DPF3: variants seen among roughly 807,000 people sequenced by gnomAD.
The protein encoded by DPF3 is zinc finger protein DPF3.
DPF3 carries 18 observed loss-of-function variants against 56.8 expected under a neutral mutation model. The observed-to-expected ratio is 0.32, with a 90% CI of 0.22 to 0.47. The LOEUF is 0.47. Among genes scored for constraint, DPF3 ranks in the 20% least tolerant of loss-of-function variants. DPF3 has a pLI of 1.00. For missense variants in DPF3, 403 were observed against 488.8 expected (o/e 0.82, Z 1.65); for synonymous variants, 188 against 180.2 (o/e 1.04, Z -0.35).
At chr14:72,752,116 C>A (rs10139903) in intron 3 of DPF3, among the ~76,000 whole-genome samples, 51,584 of 152,052 alleles carry the variant, frequency 0.34, 9,960 homozygotes, top group Admixed American at 0.45. Flanking sequence ...ACCAGTGTTG[C>A]AAGGAAGGAG....
At chr14:72,649,312 G>A (rs1413789042) in intron 8 of DPF3, among the ~76,000 whole-genome samples, 3 of 152,078 alleles carry the variant, frequency 2.0e-5, no homozygotes, top group Non-Finnish European at 4.4e-5. Context: ...GGGGGCTGTG[G>A]AGTCTTTATG....
intron 9 of DPF3, among the ~76,000 whole-genome samples, chr14:72,620,590 G>A (rs1300007023): frequency 6.6e-6 from 1 of 152,190 alleles, no homozygotes; most frequent in Non-Finnish European, 1.5e-5. Flanking sequence ...AAGGACACAG[G>A]CCATATCTTT....
chr14:72,880,820 A>G (rs1314252180), intron 1 of DPF3, among the ~76,000 whole-genome samples: 1 of 152,174 alleles, frequency 6.6e-6, no homozygotes, highest in African/African-American at 2.4e-5. Context: ...TGGGATTACA[A>G]GTATGAGCCA....
rs1251943626 is a variant in DPF3 at position 72,845,607 on chromosome 14, ACC to A, written c.32+48448_32+48449del. 2.0e-5 allele frequency among the ~76,000 whole-genome samples: 3 copies of A among 152,120 alleles called. No individual in the cohort carries two copies. In the East Asian group the frequency reaches 5.8e-4, roughly 29 times the overall value. On this transcript the variant is annotated intron_variant, in intron 1 of 10. Coordinates refer to ENST00000556509, the MANE Select transcript of DPF3 (RefSeq NM_001280542.3). ...ATCATGGTGCCCATTGCAACATGGC[ACC>A]CAATGCCACTTTCCAGAGTAGTGTG...
At chr14:72,661,214 T>C (rs1886197824) in intron 8 of DPF3, 4 of 985,258 alleles carry the variant, frequency 4.1e-6, no homozygotes, top group Non-Finnish European at 4.8e-6. Context: ...GGACATTTTC[T>C]ACCAGAAAAC....
chr14:72,848,012 T>C (rs1884828180), intron 1 of DPF3, among the ~76,000 whole-genome samples: 1 of 152,222 alleles, frequency 6.6e-6, no homozygotes, highest in Non-Finnish European at 1.5e-5. Flanking sequence ...TCTCACATCC[T>C]GAAATACAGA....
At chr14:72,849,938 T>G (rs1208810191) in intron 1 of DPF3, among the ~76,000 whole-genome samples, 1 of 152,054 alleles carries the variant, frequency 6.6e-6, no homozygotes, top group Non-Finnish European at 1.5e-5. Context: ...ACCAACATGG[T>G]GAAACCACAT....
At chr14:72,738,814 C>T (rs1222663071) in intron 3 of DPF3, among the ~76,000 whole-genome samples, 1 of 152,132 alleles carries the variant, frequency 6.6e-6, no homozygotes, top group African/African-American at 2.4e-5. Context: ...GTGATAGATA[C>T]ATTAACTAGC....
chr14:72,759,341 A>T (rs1418280171), intron 2 of DPF3, among the ~76,000 whole-genome samples: 3 of 152,208 alleles, frequency 2.0e-5, no homozygotes, highest in Non-Finnish European at 2.9e-5. Flanking sequence ...ATATATGTGT[A>T]ATTGAAGAAA....
At chr14:72,646,095 G>A (rs1885715785) in intron 8 of DPF3, among the ~76,000 whole-genome samples, 1 of 152,092 alleles carries the variant, frequency 6.6e-6, no homozygotes, top group Admixed American at 6.6e-5. Flanking sequence ...CACCCACTCA[G>A]TCTTCACTCT....
chr14:72,832,029 G>A (rs1186888292), intron 1 of DPF3, among the ~76,000 whole-genome samples: 1 of 151,990 alleles, frequency 6.6e-6, no homozygotes. Flanking sequence ...ACCAGCCTGG[G>A]CAACATAACA....
At chr14:72,620,956 C>T (rs1884398135) in intron 9 of DPF3, among the ~76,000 whole-genome samples, 2 of 152,166 alleles carry the variant, frequency 1.3e-5, no homozygotes, top group African/African-American at 2.4e-5. Flanking sequence ...GCTTGGCCAA[C>T]ATGGTGAAAC....
intron 7 of DPF3, chr14:72,679,436 C>T: frequency 6.5e-6 from 1 of 152,914 alleles, no homozygotes; most frequent in Non-Finnish European, 1.5e-5. Flanking sequence ...ACGCTCGGTG[C>T]CCACCACCCA....
intron 1 of DPF3, chr14:72,892,783 CG>C: frequency 1.2e-6 from 1 of 822,230 alleles, no homozygotes; most frequent in Non-Finnish European, 1.5e-6. Context: ...AAGTCCCGGT[CG>C]AAGGGGTGAG....
rs147319485 is a variant in DPF3, at chr14:72,773,414, G to A, written c.33-1521C>T. On this transcript the variant is annotated intron_variant, in intron 1 of 10. Coordinates refer to ENST00000556509, the MANE Select transcript of DPF3 (RefSeq NM_001280542.3). ...CTCCCAAAGTGCTGGGATTACAGGCGTGAGCCACCATGCCTGGCCTCAATT... is the reference window on the plus strand; with the variant it reads ...CTCCCAAAGTGCTGGGATTACAGGCATGAGCCACCATGCCTGGCCTCAATT... Among the ~76,000 whole-genome samples, 1,135 of 152,120 alleles carry A rather than the reference G, an allele frequency of 7.5e-3. 13 individuals are homozygous for A. Among genetic ancestry groups the A allele is most frequent in the South Asian group, 0.025 (120 of 4,816 alleles).
intron 6 of DPF3, among the ~76,000 whole-genome samples, chr14:72,709,559 T>C (rs1261930067): frequency 6.6e-6 from 1 of 152,208 alleles, no homozygotes; most frequent in African/African-American, 2.4e-5. Flanking sequence ...TTCTCATTAA[T>C]TAACTTTGAA....
intron 1 of DPF3, among the ~76,000 whole-genome samples, chr14:72,805,787 A>G (rs1008035993): frequency 6.7e-6 from 1 of 148,360 alleles, no homozygotes; most frequent in Non-Finnish European, 1.5e-5. Flanking sequence ...CGGAGGTTGC[A>G]GTGAGTTGAG....
At chr14:72,884,969 T>TATATATATATATATATATATA (rs1886477154) in intron 1 of DPF3, among the ~76,000 whole-genome samples, 1 of 117,530 alleles carries the variant, frequency 8.5e-6, no homozygotes, top group Non-Finnish European at 1.8e-5. Context: ...TATATATATA[T>TATATATATATATATATATATA]ATTAGCCGGG....
Position 72,779,069 on chromosome 14 carries a change from G to A in DPF3, c.33-7176C>T, listed in dbSNP as rs144843101. ...GCCTGGCCTTCTTGCTGATTTACCC[G>A]CAGTGTTCAGCACAGAGCCTGGCAC... is the stretch of plus-strand genomic sequence containing the variant. On this transcript the variant is annotated intron_variant, in intron 1 of 10. Coordinates refer to ENST00000556509, the MANE Select transcript of DPF3 (RefSeq NM_001280542.3). 1.6e-3 allele frequency among the ~76,000 whole-genome samples: 244 copies of A among 152,206 alleles called. 2 individuals carry two copies. Among genetic ancestry groups the A allele is most frequent in the African/African-American group, 5.4e-3 (225 of 41,534 alleles).
Sources: gnomAD v4.1 joint callset for allele counts (sites outside exome capture counted in the v4.1 genomes callset) on GRCh38, gnomAD v4.1.1 for gene constraint, MANE v1.5 for transcripts, NCBI Gene and HGNC (gene_info 2026-07-23, HGNC 2026-07-21) for gene names.